PHLPP1: variants seen among roughly 807,000 people sequenced by gnomAD.
PHLPP1 encodes PH domain leucine-rich repeat-containing protein phosphatase 1.
In PHLPP1, 42 loss-of-function variants were observed where a neutral mutation model predicts 117.2. The observed-to-expected ratio is 0.36, with a 90% confidence interval of 0.28 to 0.46. PHLPP1 has a LOEUF of 0.46. PHLPP1 is among the 20% of genes least tolerant of loss of function. The probability of loss-of-function intolerance (pLI) is 1.00; values close to 1 mark genes in which losing one functional copy is unlikely to be tolerated. For missense variants in PHLPP1, 2,084 were observed against 2,241.9 expected, an observed-to-expected ratio of 0.93 and a Z score of 1.42; for synonymous variants, 1,042 against 970.7, an observed-to-expected ratio of 1.07 and a Z score of -1.37.
intron 1 of PHLPP1, among the ~76,000 whole-genome samples, chr18:62,720,817 A>G (rs891793993): frequency 2.0e-5 from 3 of 152,050 alleles, no homozygotes; most frequent in Non-Finnish European, 4.4e-5. Flanking sequence ...TCTACAATAC[A>G]TTGGTTTTTA....
At chr18:62,971,495 C>T (rs114777908) in intron 14 of PHLPP1, among the ~76,000 whole-genome samples, 2,852 of 151,902 alleles carry the variant, frequency 0.019, 93 homozygotes, top group African/African-American at 0.064. Flanking sequence ...CCACATTTGC[C>T]GGGAACCACT....
intron 10 of PHLPP1, among the ~76,000 whole-genome samples, chr18:62,925,766 GT>G (rs1909611178): frequency 6.6e-6 from 1 of 152,192 alleles, no homozygotes; most frequent in Non-Finnish European, 1.5e-5. Context: ...CTAAGATAGT[GT>G]TTCTCAAAGT....
intron 1 of PHLPP1, among the ~76,000 whole-genome samples, chr18:62,788,166 G>C (rs1285038180): frequency 6.6e-6 from 1 of 152,160 alleles, no homozygotes; most frequent in Non-Finnish European, 1.5e-5. Flanking sequence ...TTTTAAGTTT[G>C]TTTTCTTTAA....
In PHLPP1 at chr18:62,979,554, T is replaced by TCATC. The variant is rs1423044998; in HGVS notation, c.*124_*127dup. The TCATC allele has an allele frequency of 9.5e-7, 1 of 1,051,970 alleles. No homozygotes were observed. Among genetic ancestry groups the TCATC allele is most frequent in the African/African-American group, 1.6e-5 (1 of 61,964 alleles). The allele number at this position is 1,051,970 out of a possible 1,614,324, so 65.2% of individuals were successfully genotyped here. ...TCCCCCAGACACTGTTCCCAACCTGTCATCGCAGCTAATCTGTAGGTTCTC... is the reference window on the plus strand; with the variant it reads ...TCCCCCAGACACTGTTCCCAACCTGTCATCCATCGCAGCTAATCTGTAGGTTCTC... On this transcript the variant is annotated 3_prime_UTR_variant, in exon 17 of 17. Transcript: ENST00000262719.
intron 1 of PHLPP1, among the ~76,000 whole-genome samples, chr18:62,738,438 T>A (rs1911431135): frequency 6.6e-6 from 1 of 152,370 alleles, no homozygotes; most frequent in East Asian, 1.9e-4. Context: ...ATTGGATATT[T>A]ACATAGCGTT....
intron 1 of PHLPP1, among the ~76,000 whole-genome samples, chr18:62,755,327 A>G (rs1002476638): frequency 6.6e-6 from 1 of 152,126 alleles, no homozygotes; most frequent in Non-Finnish European, 1.5e-5. Context: ...TACCAATACC[A>G]GTTTTCTCAA....
Position 62,830,147 on chromosome 18 carries a change from C to A in PHLPP1, c.1689C>A (p.Ile563=). 1 of 1,606,546 alleles carries A rather than the reference C, an allele frequency of 6.2e-7. No individual in the cohort carries two copies. Among genetic ancestry groups the A allele is most frequent in the East Asian group, 2.2e-5 (1 of 44,650 alleles). ...ACCGATGGACAAGACGCCAAGTCAT[C>A]CTATGTGGGACCTGCCTGATAGTAT... The part of the protein sequence containing the change: ...PVNRWTRRQV[I]LCGTCLIVSS... The change falls in exon 2 of 17, where the codon ATC becomes ATA. Residue 563 remains isoleucine (I), a synonymous_variant. Coordinates refer to ENST00000262719, the MANE Select transcript of PHLPP1 (RefSeq NM_194449.4).
intron 1 of PHLPP1, among the ~76,000 whole-genome samples, chr18:62,809,680 G>A (rs1299233447): frequency 6.6e-6 from 1 of 151,440 alleles, no homozygotes; most frequent in African/African-American, 2.4e-5. Context: ...CCAGCCTGGC[G>A]ACAGAGCAAG....
chr18:62,785,754 G>A (rs998207927), intron 1 of PHLPP1, among the ~76,000 whole-genome samples: 3 of 152,162 alleles, frequency 2.0e-5, no homozygotes, highest in Non-Finnish European at 4.4e-5. Context: ...AGTAAAAAAG[G>A]AATATGCTGT....
intron 1 of PHLPP1, among the ~76,000 whole-genome samples, chr18:62,816,182 G>A (rs1348270723): frequency 1.3e-5 from 2 of 152,102 alleles, no homozygotes; most frequent in East Asian, 3.8e-4. Context: ...AAGTTGAAAA[G>A]AGTACAAAAA....
intron 1 of PHLPP1, among the ~76,000 whole-genome samples, chr18:62,827,114 A>C (rs1387457974): frequency 6.6e-6 from 1 of 152,244 alleles, no homozygotes; most frequent in Non-Finnish European, 1.5e-5. Context: ...ACTAGTATAG[A>C]TCACCTTACC....
chr18:62,775,404 A>G (rs1912921265), intron 1 of PHLPP1, among the ~76,000 whole-genome samples: 1 of 152,170 alleles, frequency 6.6e-6, no homozygotes, highest in Non-Finnish European at 1.5e-5. Context: ...CAGCCCACTA[A>G]TAAGACATTC....
At chr18:62,728,957 A>T (rs1316981574) in intron 1 of PHLPP1, among the ~76,000 whole-genome samples, 2 of 151,994 alleles carry the variant, frequency 1.3e-5, no homozygotes, top group East Asian at 3.9e-4. Context: ...TGATTACAGG[A>T]ATAATAATTT....
At chr18:62,965,855 AG>A (rs1338398296) in intron 14 of PHLPP1, among the ~76,000 whole-genome samples, 1 of 151,690 alleles carries the variant, frequency 6.6e-6, no homozygotes, top group Admixed American at 6.6e-5. Flanking sequence ...AAAAAAAGAA[AG>A]AAAAAAAAAC....
chr18:62,852,096 C>T (rs2144353910), intron 3 of PHLPP1, among the ~76,000 whole-genome samples: 1 of 151,462 alleles, frequency 6.6e-6, no homozygotes, highest in East Asian at 2.0e-4. Context: ...TCTGGGCTGG[C>T]CTCAATCTCC....
chr18:62,741,931 T>C (rs138051297), intron 1 of PHLPP1, among the ~76,000 whole-genome samples: 2 of 152,152 alleles, frequency 1.3e-5, no homozygotes, highest in East Asian at 3.9e-4. Flanking sequence ...AATGGGTGTG[T>C]GGTCTGGGGC....
chr18:62,946,033 A>G (rs990201437), intron 12 of PHLPP1, among the ~76,000 whole-genome samples: 3 of 152,174 alleles, frequency 2.0e-5, no homozygotes, highest in African/African-American at 7.2e-5. Context: ...TTTATATACA[A>G]TGTAGTTTTT....
rs907401076 is a variant in PHLPP1, at chr18:62,735,942, G to C, written c.1576+18683G>C. 4.6e-5 allele frequency among the ~76,000 whole-genome samples: 7 copies of C among 151,134 alleles called. No homozygotes were observed. In the South Asian group the frequency reaches 8.4e-4, roughly 18 times the overall value. ...GTGCACATGTACCCTAAAACTTAAA[G>C]TATAATAATAATAATACATAAAAAA... On this transcript the variant is annotated intron_variant, in intron 1 of 16. Transcript: ENST00000262719.
At chr18:62,772,547 A>C (rs1912818156) in intron 1 of PHLPP1, among the ~76,000 whole-genome samples, 1 of 152,136 alleles carries the variant, frequency 6.6e-6, no homozygotes, top group African/African-American at 2.4e-5. Flanking sequence ...AATTAAATTT[A>C]AATTGGGCAT....
Sources: gnomAD v4.1 joint callset for allele counts (sites outside exome capture counted in the v4.1 genomes callset) on GRCh38, gnomAD v4.1.1 for gene constraint, MANE v1.5 for transcripts, NCBI Gene and HGNC (gene_info 2026-07-23, HGNC 2026-07-21) for gene names.